The following GSTA2 variants were observed in gnomAD, a reference collection of about 807,000 sequenced individuals.
GSTA2 encodes the protein glutathione S-transferase A2.
In GSTA2, 27 loss-of-function variants were observed where a neutral mutation model predicts 22.4. The observed-to-expected ratio is 1.21, with a 90% CI of 0.89 to 1.67. GSTA2 has a LOEUF of 1.67. Among genes scored for constraint, GSTA2 ranks in the 40% most tolerant of loss-of-function variants. The pLI, the probability that GSTA2 is intolerant of heterozygous loss-of-function variation, is 0.00. For synonymous variants in GSTA2, 121 were observed against 86.8 expected (o/e 1.39, Z -2.19); for missense variants, 302 against 260.2 (o/e 1.16, Z -1.11).
Position 52,750,492 on chromosome 6 carries a change from C to T in GSTA2, c.*85G>A, listed in dbSNP as rs1762714965. 2 of 1,316,668 alleles carry T rather than the reference C, an allele frequency of 1.5e-6. No homozygotes were observed. Among genetic ancestry groups the T allele is most frequent in the Admixed American group, 1.9e-5 (1 of 52,698 alleles). The allele number at this position is 1,316,668 out of a possible 1,614,324, so 81.6% of individuals were successfully genotyped here. Reference sequence around the variant, plus strand: ...GAGTTCATTAGCTTCACAACAGGCACAATCAACACTTAGGTAAAGCACTTA... The same window carrying T: ...GAGTTCATTAGCTTCACAACAGGCATAATCAACACTTAGGTAAAGCACTTA... On this transcript the variant is annotated 3_prime_UTR_variant, in exon 7 of 7. Transcript: ENST00000493422.
At chr6:52,758,856 T>C (rs1217311660) in intron 1 of GSTA2, among the ~76,000 whole-genome samples, 1 of 152,222 alleles carries the variant, frequency 6.6e-6, no homozygotes, top group African/African-American at 2.4e-5. Flanking sequence ...ATCATTCTTC[T>C]AAACTTCTCT....
At chr6:52,753,183 G>T (rs534645885) in intron 4 of GSTA2, among the ~76,000 whole-genome samples, 188 bp from the exon 5 acceptor site, 1 of 151,256 alleles carries the variant, frequency 6.6e-6, no homozygotes, top group Non-Finnish European at 1.5e-5. Context: ...AGTTTTACAG[G>T]TATATTAACA....
At position 52,755,006 on chromosome 6, in the gene GSTA2, G is replaced by C; in HGVS notation, c.209C>G (p.Ala70Gly). The C allele has an allele frequency of 6.2e-7, 1 of 1,614,032 alleles. No individual in the cohort carries two copies. The stretch of plus-strand genomic sequence containing the variant: ...TTTGCTGGCAATGTAGTTGAGAATG[G>C]CTCTGGTCTGCACCAGCTTCATCCC... ...IDGMKLVQTR[A>G]ILNYIASKYN... Residue 70 changes from alanine (A) to glycine (G), a missense_variant, in exon 4 of 7, where the codon GCC becomes GGC. By Grantham distance (60) the Ala-to-Gly change is moderately conservative. Coordinates refer to ENST00000493422, the MANE Select transcript of GSTA2 (RefSeq NM_000846.5).
intron 2 of GSTA2, among the ~76,000 whole-genome samples, chr6:52,756,920 T>C (rs959698995): frequency 2.6e-5 from 4 of 151,734 alleles, no homozygotes; most frequent in Non-Finnish European, 5.9e-5. Flanking sequence ...ACTAGCATTA[T>C]TTTTAAGGAA....
chr6:52,755,052 C>A lies in GSTA2; in HGVS notation c.163G>T (p.Val55Leu), dbSNP rs368356556. The change falls in exon 4 of 7, where the codon GTG (valine) becomes TTG (leucine). Residue 55 changes from valine to leucine, a missense_variant. By Grantham distance (32) the Val-to-Leu change is conservative. Coordinates refer to ENST00000493422, the MANE Select transcript of GSTA2 (RefSeq NM_000846.5). ...ATCCCATCAATCTCAACCATTGGCA[C>A]TTGCTGGAACATCAAATATCCATCT... ...RNDGYLMFQQ[V>L]PMVEIDGMKL... The A allele has an allele frequency of 1.7e-5, 27 of 1,613,898 alleles. No individual in the cohort carries two copies. The East Asian group carries it at 1.8e-4, about 11-fold the overall frequency.
At chr6:52,760,743 G>A (rs1365185459) in intron 1 of GSTA2, among the ~76,000 whole-genome samples, 1 of 152,144 alleles carries the variant, frequency 6.6e-6, no homozygotes, top group African/African-American at 2.4e-5. Flanking sequence ...GAGAGGGCGA[G>A]AGGGGAACAT....
In GSTA2 at chr6:52,750,457, T is replaced by C. The variant is rs1447469009; in HGVS notation, c.*120A>G. 8 of 892,360 alleles carry C rather than the reference T, an allele frequency of 9.0e-6. No individual in the cohort carries two copies. Among genetic ancestry groups the C allele is most frequent in the Non-Finnish European group, 1.2e-5 (7 of 578,136 alleles). 55.3% of individuals were successfully genotyped at this position (892,360 alleles called of 1,614,324 possible). A position where few individuals can be genotyped will look rare whatever the true frequency, so the allele number is the denominator to read the frequency against. ...GGAGTTGTATTATTTAATTAGCATA[T>C]AATTTGAAAGAGTTCATTAGCTTCA... On this transcript the variant is annotated 3_prime_UTR_variant, in exon 7 of 7. Coordinates refer to ENST00000493422, the MANE Select transcript of GSTA2 (RefSeq NM_000846.5).
chr6:52,758,415 A>G (rs1762888377), intron 1 of GSTA2, among the ~76,000 whole-genome samples: 2 of 152,184 alleles, frequency 1.3e-5, no homozygotes, highest in Non-Finnish European at 2.9e-5. Flanking sequence ...GAAATGGAAC[A>G]TCAGAGAAAT....
Position 52,757,906 on chromosome 6 carries a change from G to T in GSTA2, c.42C>A (p.Gly14=), listed in dbSNP as rs1166628681. 6.2e-7 allele frequency: 1 copy of T among 1,613,740 alleles called. No homozygotes were observed. Among genetic ancestry groups the T allele is most frequent in the African/African-American group, 1.3e-5 (1 of 75,006 alleles). The change falls in exon 2 of 7, where the codon GGC becomes GGA. Residue 14 remains glycine (G), a synonymous_variant. Coordinates refer to ENST00000493422, the MANE Select transcript of GSTA2 (RefSeq NM_000846.5). Reference sequence around the variant, plus strand: ...GGAGCCACCGGATGGACTCCATTCTGCCCCGTATATTGGAGTAGTGGAGCT... The same window carrying T: ...GGAGCCACCGGATGGACTCCATTCTTCCCCGTATATTGGAGTAGTGGAGCT... ...KPKLHYSNIR[G]RMESIRWLLA...
chr6:52,753,013 C>T lies in GSTA2; in HGVS notation c.273-18G>A. The T allele has an allele frequency of 1.3e-6, 2 of 1,579,458 alleles. No homozygotes were observed. The highest frequency in any genetic ancestry group is 1.9e-5 in the Admixed American group (1 of 53,518). ...TATCAATCCTGAAAGACAAAAACAA[C>T]CAAATGGTCAAATATCTTTTGCCTT... is the stretch of plus-strand genomic sequence containing the variant. On this transcript the variant is annotated intron_variant, in intron 4 of 6. Coordinates refer to ENST00000493422, the MANE Select transcript of GSTA2 (RefSeq NM_000846.5).
intron 1 of GSTA2, among the ~76,000 whole-genome samples, chr6:52,762,920 T>G (rs1009828637): frequency 2.0e-5 from 3 of 152,212 alleles, no homozygotes; most frequent in Admixed American, 2.0e-4. Flanking sequence ...GAGTTGGTAG[T>G]ACTCCAGAGA....
intron 1 of GSTA2, among the ~76,000 whole-genome samples, chr6:52,761,700 T>C (rs148889701): frequency 0.018 from 2,692 of 150,622 alleles, 95 homozygotes; most frequent in African/African-American, 0.062. Context: ...TGTAGTCCCA[T>C]GGTTCTCAAC....
intron 5 of GSTA2, 23 bp downstream of exon 5, chr6:52,752,831 A>C: frequency 1.2e-6 from 2 of 1,613,206 alleles, no homozygotes; most frequent in Non-Finnish European, 1.7e-6. Context: ...CAGTTCCCCA[A>C]AACACTGAAC....
rs1762721149 is a variant in GSTA2 at position 52,750,710 on chromosome 6, C to T, written c.547-11G>A. 1.2e-6 allele frequency: 2 copies of T among 1,611,888 alleles called. No homozygotes were observed. The highest frequency in any genetic ancestry group is 2.7e-5 in the African/African-American group (2 of 74,818). ...TCTGGTTTTCAGGGCCTGTAATCCA[C>T]AAAGCACAGCCTCACTAAAACAACA... On this transcript the variant is annotated splice_polypyrimidine_tract_variant and intron_variant, in intron 6 of 6. Coordinates refer to ENST00000493422, the MANE Select transcript of GSTA2 (RefSeq NM_000846.5).
intron 1 of GSTA2, among the ~76,000 whole-genome samples, chr6:52,763,028 C>T (rs1355987624): frequency 2.6e-5 from 4 of 152,068 alleles, no homozygotes; most frequent in African/African-American, 9.7e-5. Flanking sequence ...TATAATAAAC[C>T]TTAGTTTTGA....
intron 1 of GSTA2, among the ~76,000 whole-genome samples, chr6:52,763,152 G>A (rs144992777): frequency 0.012 from 1,801 of 152,186 alleles, 36 homozygotes; most frequent in African/African-American, 0.04. Context: ...ATTATTCTCA[G>A]ATTGTTTAAA....
chr6:52,762,253 G>T (rs562123571), intron 1 of GSTA2, among the ~76,000 whole-genome samples: 1 of 152,234 alleles, frequency 6.6e-6, no homozygotes, highest in Non-Finnish European at 1.5e-5. Context: ...ACCCATAAAC[G>T]GTCTGTGCTG....
At chr6:52,751,195 C>T (rs1345332933) in intron 6 of GSTA2, among the ~76,000 whole-genome samples, 1 of 151,978 alleles carries the variant, frequency 6.6e-6, no homozygotes, top group African/African-American at 2.4e-5. Context: ...GGAGCCGGAG[C>T]CCAGGGAGGA....
chr6:52,750,832 A>T (rs541497694), intron 6 of GSTA2, 133 bp from the exon 7 acceptor site: 4 of 1,014,016 alleles, frequency 3.9e-6, no homozygotes, highest in Non-Finnish European at 5.8e-6. Context: ...GAAGGCAGAA[A>T]CAGACACCCA....
Sources: gnomAD v4.1 joint callset for allele counts (sites outside exome capture counted in the v4.1 genomes callset) on GRCh38, gnomAD v4.1.1 for gene constraint, MANE v1.5 for transcripts, NCBI Gene and HGNC (gene_info 2026-07-23, HGNC 2026-07-21) for gene names.